The following SPHKAP variants were observed in gnomAD, a reference collection of about 807,000 sequenced individuals.
SPHKAP encodes the protein A-kinase anchor protein SPHKAP.
Under a neutral mutation model 137.5 loss-of-function variants are expected in SPHKAP, and 67 were observed. The ratio of observed to expected loss-of-function variants is 0.49; its 90% CI spans 0.40 to 0.60. The LOEUF (loss-of-function observed/expected upper bound fraction) is 0.60, where lower values mean the gene tolerates loss of function less well. SPHKAP is among the 20% of genes least tolerant of loss of function. SPHKAP has a pLI of 0.00. For missense variants in SPHKAP, 2,097 were observed against 2,069.3 expected (o/e 1.01, Z -0.26); for synonymous variants, 813 against 785.3 (o/e 1.04, Z -0.59).
chr2:228,146,331 T>C (rs927470179), intron 1 of SPHKAP, among the ~76,000 whole-genome samples: 3 of 152,194 alleles, frequency 2.0e-5, no homozygotes, highest in African/African-American at 7.2e-5. Context: ...TTTGGAAAAG[T>C]GACACATATA....
In SPHKAP at chr2:228,018,507, C is replaced by G. The variant is rs760640220; in HGVS notation, c.2347G>C (p.Val783Leu). 1 of 1,614,126 alleles carries G rather than the reference C, an allele frequency of 6.2e-7. No homozygotes were observed. The highest frequency in any genetic ancestry group is 8.5e-7 in the Non-Finnish European group (1 of 1,180,008). ...PLSNSHNTSLVINNLVDGMYS... is the reference protein window; with the variant it reads ...PLSNSHNTSLLINNLVDGMYS... ...ATGCCATCCACAAGATTGTTGATGA[C>G]AAGACTCGTGTTGTGTGAATTGCTA... The change falls in exon 7 of 12, where the codon GTC becomes CTC. Residue 783 changes from valine (V) to leucine (L), a missense_variant. Val to Leu is a conservative substitution (Grantham distance 32). Coordinates refer to ENST00000392056, the MANE Select transcript of SPHKAP (RefSeq NM_001142644.2).
intron 2 of SPHKAP, among the ~76,000 whole-genome samples, chr2:228,121,220 A>G (rs1290429638): frequency 1.3e-5 from 2 of 152,190 alleles, no homozygotes; most frequent in East Asian, 1.9e-4. Flanking sequence ...TTAAAATACA[A>G]GTGATATGGC....
intron 11 of SPHKAP, among the ~76,000 whole-genome samples, chr2:227,988,112 A>G (rs1489531025): frequency 2.0e-5 from 3 of 152,204 alleles, no homozygotes; most frequent in Non-Finnish European, 4.4e-5. Context: ...TAATTCAATA[A>G]CATCCAGAAT....
At chr2:228,148,246 A>G (rs1013644801) in intron 1 of SPHKAP, among the ~76,000 whole-genome samples, 17 of 152,156 alleles carry the variant, frequency 1.1e-4, no homozygotes, top group African/African-American at 4.1e-4. Context: ...TGGGTCATTG[A>G]GGGGTATCCC....
chr2:228,106,013 T>C (rs902032712), intron 3 of SPHKAP, among the ~76,000 whole-genome samples: 2 of 152,194 alleles, frequency 1.3e-5, no homozygotes, highest in African/African-American at 4.8e-5. Context: ...ATGCCTATCA[T>C]ATTTCTAGCT....
intron 1 of SPHKAP, among the ~76,000 whole-genome samples, chr2:228,163,408 A>G (rs1430944194): frequency 6.6e-6 from 1 of 152,108 alleles, no homozygotes; most frequent in Non-Finnish European, 1.5e-5. Flanking sequence ...AAATTTTTTG[A>G]TTGAATTCCA....
chr2:228,155,071 C>T (rs190742616), intron 1 of SPHKAP, among the ~76,000 whole-genome samples: 258 of 152,214 alleles, frequency 1.7e-3, no homozygotes, highest in Middle Eastern at 3.4e-3. Flanking sequence ...ATTGTGGTTT[C>T]ACTGAAAGTT....
chr2:228,076,093 A>G (rs192249068), intron 3 of SPHKAP, among the ~76,000 whole-genome samples: 1 of 152,158 alleles, frequency 6.6e-6, no homozygotes, highest in East Asian at 1.9e-4. Context: ...GTTTCCCTGC[A>G]CAAGCCCTCT....
At position 228,016,697 on chromosome 2, in the gene SPHKAP, G is replaced by T. The variant is rs1270065207; in HGVS notation, c.4157C>A (p.Ser1386Tyr). ...TGTAAGAGAAGCAGTTTTGCTCAAA[G>T]ATGACACTGGGGGCTGTTTACATTC... ...VTECKQPPVS[S>Y]LSKTASLTNH... is the part of the protein sequence containing the mutation. Residue 1386 changes from serine (S) to tyrosine (Y), a missense_variant, in exon 7 of 12, where the codon TCT becomes TAT. Physicochemically the swap from Ser to Tyr is moderately radical, Grantham distance 144. Coordinates refer to ENST00000392056, the MANE Select transcript of SPHKAP (RefSeq NM_001142644.2). The T allele has an allele frequency of 6.2e-7, 1 of 1,614,128 alleles. No homozygotes were observed.
At chr2:228,127,579 T>A (rs917287956) in intron 2 of SPHKAP, among the ~76,000 whole-genome samples, 2 of 152,180 alleles carry the variant, frequency 1.3e-5, no homozygotes, top group Non-Finnish European at 2.9e-5. Context: ...ACTGACTTCT[T>A]CACTAATTTG....
intron 2 of SPHKAP, among the ~76,000 whole-genome samples, chr2:228,117,830 C>CTTTT (rs34166785): frequency 1.4e-5 from 2 of 138,282 alleles, no homozygotes; most frequent in Non-Finnish European, 3.1e-5. Flanking sequence ...CTTTCCTTTC[C>CTTTT]TTTTTTTTTT....
At chr2:228,028,755 CTA>C (rs937703999) in intron 3 of SPHKAP, among the ~76,000 whole-genome samples, 14 of 152,232 alleles carry the variant, frequency 9.2e-5, no homozygotes, top group Admixed American at 8.5e-4. Flanking sequence ...TAAGTATAGT[CTA>C]TGATGTTCAA....
intron 7 of SPHKAP, among the ~76,000 whole-genome samples, chr2:228,002,178 TC>T (rs1473760290): frequency 1.3e-5 from 2 of 152,170 alleles, no homozygotes; most frequent in East Asian, 3.8e-4. Context: ...TAGTTTACAG[TC>T]CCACCAACAG....
chr2:228,128,530 T>C (rs1699146774), intron 2 of SPHKAP, among the ~76,000 whole-genome samples: 1 of 152,204 alleles, frequency 6.6e-6, no homozygotes, highest in African/African-American at 2.4e-5. Flanking sequence ...CCTTCTTCCA[T>C]GAACCATAAA....
chr2:227,995,604 G>C lies in SPHKAP; in HGVS notation c.4539C>G (p.Ser1513Arg), dbSNP rs187242200. Residue 1513 changes from serine (S) to arginine (R), a missense_variant, in exon 8 of 12, where the codon AGC (serine) becomes AGG (arginine). Transcript: ENST00000392056. ...PDEAPNPPSS[S>R]EESTGSWTQL... ...GGGTCCAGCTGCCTGTGCTCTCCTC[G>C]CTGCTGCTTGGAGGGTTGGGGGCCT... The C allele has an allele frequency of 1.9e-6, 3 of 1,613,918 alleles. No homozygotes were observed. Among genetic ancestry groups the C allele is most frequent in the Non-Finnish European group, 2.5e-6 (3 of 1,179,968 alleles).
At chr2:228,051,378 A>C (rs553104815) in intron 3 of SPHKAP, among the ~76,000 whole-genome samples, 4 of 152,332 alleles carry the variant, frequency 2.6e-5, no homozygotes, top group African/African-American at 9.6e-5. Flanking sequence ...GTTTGGCTGC[A>C]TGACTTGCTT....
intron 1 of SPHKAP, among the ~76,000 whole-genome samples, chr2:228,150,789 C>T (rs562060232): frequency 7.2e-5 from 11 of 151,872 alleles, no homozygotes; most frequent in South Asian, 4.2e-4. Flanking sequence ...CTCATTCTGT[C>T]GCCCAGGCTG....
At chr2:228,021,214 C>A (rs1694830300) in intron 6 of SPHKAP, among the ~76,000 whole-genome samples, 1 of 152,076 alleles carries the variant, frequency 6.6e-6, no homozygotes, top group African/African-American at 2.4e-5. Context: ...TCTGTCTTCA[C>A]AAAAATCATT....
chr2:228,019,540 T>A lies in SPHKAP; in HGVS notation c.1314A>T (p.Thr438=), dbSNP rs1180808210. The stretch of plus-strand genomic sequence containing the variant: ...GCTCATTCCATGACCGAGAAACCAC[T>A]GTATCTTTTGTGGAATAGCAACTGG... ...LLPSCYSTKD[T]VVSRSWNELP... Residue 438 remains threonine (T), a synonymous_variant, in exon 7 of 12, where the codon ACA becomes ACT. Transcript: ENST00000392056. 1 of 1,614,190 alleles carries A rather than the reference T, an allele frequency of 6.2e-7. No homozygotes were observed. Among genetic ancestry groups the A allele is most frequent in the Admixed American group, 1.7e-5 (1 of 60,034 alleles).
Sources: gnomAD v4.1 joint callset for allele counts (sites outside exome capture counted in the v4.1 genomes callset) on GRCh38, gnomAD v4.1.1 for gene constraint, MANE v1.5 for transcripts, NCBI Gene and HGNC (gene_info 2026-07-23, HGNC 2026-07-21) for gene names.